Variants in HECW1 observed in about 807,000 individuals in gnomAD.
The protein encoded by HECW1 is HECT, C2 and WW domain containing E3 ubiquitin protein ligase 1.
Under a neutral mutation model 182.3 loss-of-function variants are expected in HECW1, and 61 were observed. That is an observed-to-expected ratio of 0.33 (90% CI 0.27 to 0.41). HECW1 has a LOEUF of 0.41. Ranked by LOEUF, HECW1 falls within the 10% of genes least tolerant of loss-of-function variation. HECW1 has a pLI of 1.00. For synonymous variants in HECW1, 859 were observed against 832.6 expected (o/e 1.03, Z -0.55); for missense variants, 1,739 against 2,108.9 (o/e 0.82, Z 3.44).
At chr7:43,386,612 A>G (rs1315040620) in intron 6 of HECW1, among the ~76,000 whole-genome samples, 1 of 152,140 alleles carries the variant, frequency 6.6e-6, no homozygotes, top group Non-Finnish European at 1.5e-5. Flanking sequence ...CCCCCCCTGC[A>G]TGTTTCTGCT....
chr7:43,278,923 A>G (rs187025868), intron 3 of HECW1, among the ~76,000 whole-genome samples: 23 of 152,204 alleles, frequency 1.5e-4, no homozygotes, highest in African/African-American at 5.1e-4. Flanking sequence ...TCTCCTCCCC[A>G]TTAGGATTCA....
At chr7:43,536,077 A>G (rs569136405) in intron 24 of HECW1, among the ~76,000 whole-genome samples, 1 of 152,242 alleles carries the variant, frequency 6.6e-6, no homozygotes, top group East Asian at 1.9e-4. Flanking sequence ...CTGAAGGAAA[A>G]CAGAGCATGC....
At chr7:43,266,518 T>C (rs1390407458) in intron 3 of HECW1, among the ~76,000 whole-genome samples, 1 of 152,070 alleles carries the variant, frequency 6.6e-6, no homozygotes, top group East Asian at 1.9e-4. Context: ...GTATTTTTAA[T>C]AGAGACGGAG....
chr7:43,491,160 T>C (rs928658579), intron 17 of HECW1, among the ~76,000 whole-genome samples: 1 of 152,210 alleles, frequency 6.6e-6, no homozygotes, highest in African/African-American at 2.4e-5. Context: ...AACCAAGATA[T>C]TGGAAGCAGG....
intron 26 of HECW1, among the ~76,000 whole-genome samples, chr7:43,549,600 T>A (rs1292401046): frequency 6.6e-6 from 1 of 152,202 alleles, no homozygotes; most frequent in East Asian, 1.9e-4. Flanking sequence ...TGTGAAAAGA[T>A]GATACACAGA....
At chr7:43,480,922 C>T (rs1259245090) in intron 17 of HECW1, among the ~76,000 whole-genome samples, 2 of 152,096 alleles carry the variant, frequency 1.3e-5, no homozygotes, top group African/African-American at 2.4e-5. Context: ...CAGAAGGAGT[C>T]CTGTGTATAC....
intron 28 of HECW1, among the ~76,000 whole-genome samples, chr7:43,554,330 T>C (rs4724221): frequency 0.015 from 2,284 of 152,342 alleles, 84 homozygotes; most frequent in Admixed American, 0.074. Context: ...GTTGTTTAAA[T>C]AGAAAGCAGA....
At chr7:43,199,519 T>C (rs1794839679) in intron 2 of HECW1, among the ~76,000 whole-genome samples, 2 of 152,226 alleles carry the variant, frequency 1.3e-5, no homozygotes, top group African/African-American at 4.8e-5. Context: ...TTTATCCTAA[T>C]ATAGTATAAC....
intron 22 of HECW1, among the ~76,000 whole-genome samples, chr7:43,507,693 TTTA>T (rs2079644287): frequency 1.3e-5 from 2 of 152,186 alleles, no homozygotes; most frequent in Admixed American, 1.3e-4. Flanking sequence ...CCCTTCTGGG[TTTA>T]TTATTTTCAT....
chr7:43,115,184 A>G (rs1178538872), intron 2 of HECW1, among the ~76,000 whole-genome samples: 1 of 152,230 alleles, frequency 6.6e-6, no homozygotes, highest in Non-Finnish European at 1.5e-5. Context: ...GAACCATGCA[A>G]GCAAACCAAG....
chr7:43,506,848 C>A (rs928002735), intron 21 of HECW1, among the ~76,000 whole-genome samples: 1 of 152,162 alleles, frequency 6.6e-6, no homozygotes, highest in Admixed American at 6.5e-5. Context: ...GGGTGAATCA[C>A]CTGAAGTCAG....
intron 24 of HECW1, among the ~76,000 whole-genome samples, chr7:43,522,049 A>C (rs1187876934): frequency 3.3e-5 from 5 of 152,172 alleles, no homozygotes; most frequent in African/African-American, 1.2e-4. Context: ...TCCATCTTAG[A>C]AGCAGAGAAC....
chr7:43,440,073 G>A (rs962819727), intron 9 of HECW1: 1 of 139,104 alleles, frequency 7.2e-6, no homozygotes, highest in Non-Finnish European at 1.6e-5. Flanking sequence ...TCCTCCGGAG[G>A]TGTCCCACCG....
At chr7:43,335,982 TTTC>T (rs1812115536) in intron 5 of HECW1, among the ~76,000 whole-genome samples, 1 of 143,710 alleles carries the variant, frequency 7.0e-6, no homozygotes, top group Non-Finnish European at 1.6e-5. Context: ...TCTCTCTCTC[TTTC>T]TCTCTCTCTC....
Position 43,374,631 on chromosome 7 carries a change from G to A in HECW1, c.555+13651G>A, listed in dbSNP as rs577023629. Among the ~76,000 whole-genome samples, 18 of 75,958 alleles carry A rather than the reference G, an allele frequency of 2.4e-4. 6 individuals carry two copies. The South Asian group carries it at 4.8e-3, about 20-fold the overall frequency. The allele number at this position is 75,958 out of a possible 152,430, so 49.8% of individuals were successfully genotyped here. ...CTACTAAAAATACAAAAAATTAGCC[G>A]GGCGCAGTGGCGGGCGCCTGTAGTC... On this transcript the variant is annotated intron_variant, in intron 6 of 29. Transcript: ENST00000395891.
intron 3 of HECW1, chr7:43,249,307 G>C (rs1276499594): frequency 6.6e-6 from 1 of 152,494 alleles, no homozygotes; most frequent in Non-Finnish European, 1.5e-5. Flanking sequence ...TCAGCCTGAC[G>C]CAGCACCCCT....
chr7:43,305,412 C>G (rs908276955), intron 3 of HECW1, among the ~76,000 whole-genome samples: 1 of 152,024 alleles, frequency 6.6e-6, no homozygotes, highest in Non-Finnish European at 1.5e-5. Context: ...TTCTGTCCAT[C>G]TGTTTTATAA....
intron 6 of HECW1, among the ~76,000 whole-genome samples, chr7:43,389,320 T>A (rs538003871): frequency 1.3e-5 from 2 of 152,330 alleles, no homozygotes; most frequent in African/African-American, 4.8e-5. Flanking sequence ...ACTTACAAAA[T>A]CAGTCCTTCT....
At chr7:43,120,941 C>T (rs551865626) in intron 2 of HECW1, among the ~76,000 whole-genome samples, 163 of 152,212 alleles carry the variant, frequency 1.1e-3, no homozygotes, top group African/African-American at 3.7e-3. Flanking sequence ...TGTGAGCCAC[C>T]ACGCCTGGGC....
Sources: gnomAD v4.1 joint callset for allele counts (sites outside exome capture counted in the v4.1 genomes callset) on GRCh38, gnomAD v4.1.1 for gene constraint, MANE v1.5 for transcripts, NCBI Gene and HGNC (gene_info 2026-07-23, HGNC 2026-07-21) for gene names.